The following SPINK5 variants were observed in gnomAD, a reference collection of about 807,000 sequenced individuals.
SPINK5 encodes serine protease inhibitor Kazal-type 5.
SPINK5 carries 125 observed loss-of-function variants against 151.8 expected under a neutral mutation model. The observed-to-expected ratio is 0.82, with a 90% CI of 0.71 to 0.96. The LOEUF (loss-of-function observed/expected upper bound fraction) is 0.96. SPINK5 is among the 40% of genes least tolerant of loss of function. The pLI is 0.00. For missense variants in SPINK5, 1,194 were observed against 1,291.9 expected (o/e 0.92, Z 1.16); for synonymous variants, 374 against 395.3 (o/e 0.95, Z 0.64).
chr5:148,065,596 G>A lies in SPINK5; in HGVS notation c.81+224G>A. ...ACTCAACATATTAATGATGATGGAT[G>A]TCTGCAAGAGGCAATTTATCATGTT... On this transcript the variant is annotated intron_variant, in intron 2 of 32. Coordinates refer to ENST00000256084, the MANE Select transcript of SPINK5 (RefSeq NM_006846.4). The A allele has an allele frequency of 5.8e-6, 3 of 521,348 alleles. No homozygotes were observed. The South Asian group carries it at 8.8e-5, about 15-fold the overall frequency. The allele number at this position is 521,348 out of a possible 1,614,324, so 32.3% of individuals were successfully genotyped here. A position where few individuals can be genotyped will look rare whatever the true frequency, so the allele number is the denominator to read the frequency against.
intron 26 of SPINK5, 103 bp from the exon 27 acceptor site, chr5:148,123,729 GT>G (rs1226859045): frequency 2.6e-6 from 4 of 1,520,310 alleles, no homozygotes; most frequent in East Asian, 4.6e-5. Context: ...TCACTTCTCT[GT>G]TTTTTTCCTG....
At chr5:148,126,925 C>A in intron 29 of SPINK5, 58 bp from the exon 30 acceptor site, 1 of 1,370,646 alleles carries the variant, frequency 7.3e-7, no homozygotes, top group Non-Finnish European at 1.0e-6. Context: ...CTTAACTTCT[C>A]ACTGGAAGTT....
At position 148,105,013 on chromosome 5, in the gene SPINK5, G is replaced by T; in HGVS notation, c.1479+13G>T. The T allele has an allele frequency of 6.2e-7, 1 of 1,613,276 alleles. No homozygotes were observed. The highest frequency in any genetic ancestry group is 2.2e-5 in the East Asian group (1 of 44,830). ...AGAAGCTGCAAAGGTAATATTCTCA[G>T]GAATGCTGATGCTGTGCCCTGACAT... On this transcript the variant is annotated intron_variant, in intron 16 of 32. Coordinates refer to ENST00000256084, the MANE Select transcript of SPINK5 (RefSeq NM_006846.4).
chr5:148,080,834 A>T (rs1342359680), intron 4 of SPINK5, among the ~76,000 whole-genome samples: 1 of 151,540 alleles, frequency 6.6e-6, no homozygotes, highest in Non-Finnish European at 1.5e-5. Context: ...TTCAAATGAC[A>T]ACAAGAAGTC....
At chr5:148,106,313 TTTTAAA>T (rs889036895) in intron 16 of SPINK5, among the ~76,000 whole-genome samples, 4 of 151,296 alleles carry the variant, frequency 2.6e-5, no homozygotes, top group African/African-American at 9.8e-5. Flanking sequence ...AGATATGTCT[TTTTAAA>T]TTTATTTATT....
rs189524309 is a variant in SPINK5, at chr5:148,080,195, T to A, written c.283-6210T>A. Among the ~76,000 whole-genome samples, 467 of 151,366 alleles carry A rather than the reference T, an allele frequency of 3.1e-3. 2 individuals are homozygous for A. The highest frequency in any genetic ancestry group is 0.011 in the African/African-American group (445 of 41,432). Reference sequence around the variant, plus strand: ...AATTTAACAAAATGAGTACAAGACTTATACACTAAAAACTATAAAATGGTA... The same window carrying A: ...AATTTAACAAAATGAGTACAAGACTAATACACTAAAAACTATAAAATGGTA... On this transcript the variant is annotated intron_variant, in intron 4 of 32. Transcript: ENST00000256084.
intron 8 of SPINK5, among the ~76,000 whole-genome samples, chr5:148,093,941 T>A (rs190417829): frequency 6.6e-6 from 1 of 152,078 alleles, no homozygotes; most frequent in East Asian, 1.9e-4. Flanking sequence ...AGACCTGATG[T>A]TTTGTGGTAA....
chr5:148,120,240 A>C, intron 25 of SPINK5, 55 bp from the exon 26 acceptor site: 17 of 1,608,152 alleles, frequency 1.1e-5, no homozygotes, highest in Non-Finnish European at 1.4e-5. Context: ...CAGATCTGGT[A>C]ATTAATGAGG....
chr5:148,068,495 T>C (rs1581047140), intron 2 of SPINK5, among the ~76,000 whole-genome samples: 1 of 128,952 alleles, frequency 7.8e-6, no homozygotes, highest in African/African-American at 3.1e-5. Flanking sequence ...ATCATAAAGA[T>C]ATAGGAGACT....
At chr5:148,097,257 A>G (rs188550398) in intron 10 of SPINK5, among the ~76,000 whole-genome samples, 2 of 152,026 alleles carry the variant, frequency 1.3e-5, no homozygotes, top group Admixed American at 6.6e-5. Context: ...TAATTTTCCC[A>G]TTGCCTAAAA....
intron 23 of SPINK5, 94 bp from the exon 24 acceptor site, chr5:148,118,891 AG>A: frequency 7.7e-7 from 1 of 1,291,106 alleles, no homozygotes; most frequent in Non-Finnish European, 1.1e-6. Context: ...AGTTGAAGAA[AG>A]CTGACTTCTT....
chr5:148,064,021 T>C lies in SPINK5; in HGVS notation c.-24T>C, dbSNP rs1439040628. 3.1e-6 allele frequency: 5 copies of C among 1,614,110 alleles called. No individual in the cohort carries two copies. The highest frequency in any genetic ancestry group is 1.7e-5 in the Admixed American group (1 of 60,034). ...CTGAGCAATGCATGGAGTGGACCTG[T>C]AGGCGACTTGCATCGTCTTCAACAT... On this transcript the variant is annotated 5_prime_UTR_variant, in exon 1 of 33. It removes the in-frame stop codon of an upstream open reading frame in the 5' UTR. Transcript: ENST00000256084.
chr5:148,096,720 TTC>T (rs1554104155), intron 10 of SPINK5, among the ~76,000 whole-genome samples: 3 of 126,832 alleles, frequency 2.4e-5, no homozygotes, highest in African/African-American at 5.2e-5. Context: ...CTTTCTTTCT[TTC>T]TTTTTTTCTT....
rs751398600 is a variant in SPINK5, at chr5:148,131,250, C to G, written c.2965-9C>G. The G allele has an allele frequency of 6.2e-7, 1 of 1,613,578 alleles. No homozygotes were observed. The highest frequency in any genetic ancestry group is 8.5e-7 in the Non-Finnish European group (1 of 1,179,608). On this transcript the variant is annotated splice_polypyrimidine_tract_variant and intron_variant, in intron 30 of 32. Transcript: ENST00000256084. ...TAAAGTACGTCTGCTTTATTTTTTG[C>G]TTCTTCAGGATTCTGAGATGTGCAA...
intron 26 of SPINK5, among the ~76,000 whole-genome samples, chr5:148,122,804 A>C (rs1309862099): frequency 6.6e-6 from 1 of 151,858 alleles, no homozygotes; most frequent in Non-Finnish European, 1.5e-5. Flanking sequence ...TTTATCTTAT[A>C]AGATTTTTAC....
Position 148,119,020 on chromosome 5 carries a change from C to T in SPINK5, c.2275C>T (p.Arg759Cys), listed in dbSNP as rs374182762. ...REAERKNEYS[R>C]SRSNGTGSES... Reference sequence around the variant, plus strand: ...AGCAGAGAGAAAAAATGAGTATTCTCGCTCCAGATCAAATGGGACTGGATC... The same window carrying T: ...AGCAGAGAGAAAAAATGAGTATTCTTGCTCCAGATCAAATGGGACTGGATC... The change falls in exon 24 of 33, where the codon CGC (arginine) becomes TGC (cysteine). Residue 759 changes from arginine (R) to cysteine (C), a missense_variant. Arg to Cys is a radical substitution (Grantham distance 180). Coordinates refer to ENST00000256084, the MANE Select transcript of SPINK5 (RefSeq NM_006846.4). 18 of 1,613,796 alleles carry T rather than the reference C, an allele frequency of 1.1e-5. No individual in the cohort carries two copies. In the Admixed American group the frequency reaches 1.5e-4, roughly 13 times the overall value.
chr5:148,130,383 TTCTG>T (rs1381651498), intron 30 of SPINK5, among the ~76,000 whole-genome samples: 1 of 151,990 alleles, frequency 6.6e-6, no homozygotes, highest in Non-Finnish European at 1.5e-5. Context: ...GTTGGATAAT[TTCTG>T]TCTTTTAACT....
At chr5:148,070,560 TAAATA>T in intron 3 of SPINK5, 110 bp downstream of exon 3, 3 of 1,395,730 alleles carry the variant, frequency 2.1e-6, no homozygotes, top group Non-Finnish European at 3.0e-6. Flanking sequence ...CCGAAATGGT[TAAATA>T]AAAGTGCTGA....
chr5:148,072,312 C>A, intron 4 of SPINK5, 92 bp downstream of exon 4: 1 of 1,386,342 alleles, frequency 7.2e-7, no homozygotes, highest in Non-Finnish European at 1.0e-6. Context: ...CTAGGTCATA[C>A]CTGTTTTGAA....
Sources: gnomAD v4.1 joint callset for allele counts (sites outside exome capture counted in the v4.1 genomes callset) on GRCh38, gnomAD v4.1.1 for gene constraint, MANE v1.5 for transcripts, NCBI Gene and HGNC (gene_info 2026-07-23, HGNC 2026-07-21) for gene names.